Variants in GREM2 observed in about 807,000 individuals in gnomAD.
GREM2 encodes the protein gremlin 2, DAN family BMP antagonist.
Under a neutral mutation model 14.2 loss-of-function variants are expected in GREM2, and 11 were observed. The observed-to-expected ratio is 0.78, with a 90% CI of 0.49 to 1.28. GREM2 has a LOEUF of 1.28. Among genes scored for constraint, GREM2 ranks in the 50% most tolerant of loss-of-function variants. The probability of loss-of-function intolerance (pLI) is 0.00; values close to 1 mark genes in which losing one functional copy is unlikely to be tolerated. For missense variants in GREM2, 210 were observed against 218.5 expected (o/e 0.96, Z 0.24); for synonymous variants, 98 against 97.6 (o/e 1.00, Z -0.02).
At chr1:240,569,313 A>C (rs1202137741) in intron 1 of GREM2, among the ~76,000 whole-genome samples, 1 of 152,188 alleles carries the variant, frequency 6.6e-6, no homozygotes, top group Non-Finnish European at 1.5e-5. Context: ...ATTTCAGTAA[A>C]AATTCCAGCA....
rs1052704824 is a variant in GREM2 at position 240,490,490 on chromosome 1, T to A, written c.*2479A>T. 1.3e-5 allele frequency: 2 copies of A among 152,632 alleles called. No homozygotes were observed. Among genetic ancestry groups the A allele is most frequent in the African/African-American group, 4.8e-5 (2 of 41,454 alleles). The allele number at this position is 152,632 out of a possible 1,614,324, so 9.5% of individuals were successfully genotyped here. A position where few individuals can be genotyped will look rare whatever the true frequency, so the allele number is the denominator to read the frequency against. On this transcript the variant is annotated 3_prime_UTR_variant, in exon 2 of 2. Transcript: ENST00000318160. ...ACTTTTATGGCACGTCACACCGGGA[T>A]CACATATAATCCTAGATTATCTTTA...
At chr1:240,583,454 C>A (rs1312025327) in intron 1 of GREM2, among the ~76,000 whole-genome samples, 1 of 152,046 alleles carries the variant, frequency 6.6e-6, no homozygotes, top group East Asian at 1.9e-4. Flanking sequence ...ATGTCAGTGC[C>A]TTTTTTCAAG....
At chr1:240,579,836 G>A (rs967174161) in intron 1 of GREM2, among the ~76,000 whole-genome samples, 7 of 152,196 alleles carry the variant, frequency 4.6e-5, no homozygotes, top group African/African-American at 1.7e-4. Context: ...GACATGAGGA[G>A]TGGCAGAAAA....
intron 1 of GREM2, among the ~76,000 whole-genome samples, chr1:240,607,807 A>G (rs980768485): frequency 2.0e-5 from 3 of 152,334 alleles, no homozygotes; most frequent in African/African-American, 2.4e-5. Context: ...TGTAAATTCA[A>G]TCATTTAATG....
At chr1:240,573,049 C>T (rs1017075713) in intron 1 of GREM2, among the ~76,000 whole-genome samples, 4 of 152,022 alleles carry the variant, frequency 2.6e-5, no homozygotes, top group Non-Finnish European at 5.9e-5. Flanking sequence ...AGGCAGTTGG[C>T]TTCCACTCAA....
chr1:240,603,084 A>G (rs1442299507), intron 1 of GREM2, among the ~76,000 whole-genome samples: 2 of 151,978 alleles, frequency 1.3e-5, no homozygotes, highest in African/African-American at 4.8e-5. Context: ...ACTCGTCTCA[A>G]AAAAAAATAA....
chr1:240,601,657 A>C (rs1365152412), intron 1 of GREM2, among the ~76,000 whole-genome samples: 1 of 152,208 alleles, frequency 6.6e-6, no homozygotes, highest in African/African-American at 2.4e-5. Context: ...CTGTAATCCC[A>C]GCACTTTGAG....
intron 1 of GREM2, among the ~76,000 whole-genome samples, chr1:240,580,678 A>G (rs1679466890): frequency 6.6e-6 from 1 of 152,140 alleles, no homozygotes; most frequent in Non-Finnish European, 1.5e-5. Context: ...GGGCTCAAGC[A>G]ATCCTCCTGC....
intron 1 of GREM2, among the ~76,000 whole-genome samples, chr1:240,515,783 G>A (rs921748868): frequency 6.6e-6 from 1 of 152,132 alleles, no homozygotes; most frequent in African/African-American, 2.4e-5. Flanking sequence ...TTTTGTCTGA[G>A]GGAAACAATG....
chr1:240,575,000 G>C (rs1029369518), intron 1 of GREM2, among the ~76,000 whole-genome samples: 2 of 152,036 alleles, frequency 1.3e-5, no homozygotes, highest in South Asian at 4.2e-4. Context: ...CCAGGTACTC[G>C]GGAGGCTGAG....
intron 1 of GREM2, among the ~76,000 whole-genome samples, chr1:240,513,296 A>T (rs1677875477): frequency 6.6e-6 from 1 of 152,118 alleles, no homozygotes; most frequent in African/African-American, 2.4e-5. Flanking sequence ...GAGAAAGGTG[A>T]CCGGGCGCAG....
chr1:240,511,591 A>T (rs1374491143), intron 1 of GREM2, among the ~76,000 whole-genome samples: 3 of 152,176 alleles, frequency 2.0e-5, no homozygotes, highest in Non-Finnish European at 4.4e-5. Flanking sequence ...TCACTACTAA[A>T]AATACAAAGA....
At chr1:240,527,492 T>C (rs897002705) in intron 1 of GREM2, among the ~76,000 whole-genome samples, 1 of 152,162 alleles carries the variant, frequency 6.6e-6, no homozygotes, top group Non-Finnish European at 1.5e-5. Context: ...AGGAAGAAAA[T>C]AAAAACATTT....
chr1:240,597,646 A>G (rs541626888), intron 1 of GREM2, among the ~76,000 whole-genome samples: 103 of 152,300 alleles, frequency 6.8e-4, no homozygotes, highest in African/African-American at 2.3e-3. Context: ...GCTTTTTTAT[A>G]TTCCCAATGC....
At chr1:240,600,571 C>T (rs1241846163) in intron 1 of GREM2, among the ~76,000 whole-genome samples, 1 of 152,126 alleles carries the variant, frequency 6.6e-6, no homozygotes, top group Non-Finnish European at 1.5e-5. Context: ...ACAACCTCCA[C>T]CTCCCAGGCT....
At chr1:240,595,810 T>C (rs892746479) in intron 1 of GREM2, among the ~76,000 whole-genome samples, 3 of 152,144 alleles carry the variant, frequency 2.0e-5, no homozygotes, top group African/African-American at 7.2e-5. Context: ...ACTGTGTTTA[T>C]AAAACACCTA....
At chr1:240,557,982 T>A (rs1338627768) in intron 1 of GREM2, among the ~76,000 whole-genome samples, 2 of 152,066 alleles carry the variant, frequency 1.3e-5, no homozygotes, top group East Asian at 3.9e-4. Context: ...AAAGAAAAAT[T>A]GCTAACTGTG....
chr1:240,526,505 C>T (rs576853862), intron 1 of GREM2, among the ~76,000 whole-genome samples: 1 of 152,124 alleles, frequency 6.6e-6, no homozygotes, highest in Non-Finnish European at 1.5e-5. Context: ...TCCAGTAGAG[C>T]CCTGGTGCAG....
intron 1 of GREM2, among the ~76,000 whole-genome samples, chr1:240,589,973 A>G (rs892144902): frequency 6.6e-5 from 10 of 152,142 alleles, no homozygotes; most frequent in South Asian, 2.1e-4. Flanking sequence ...AAAATGCAGT[A>G]CGTGTTCAAG....
Sources: gnomAD v4.1 joint callset for allele counts (sites outside exome capture counted in the v4.1 genomes callset) on GRCh38, gnomAD v4.1.1 for gene constraint, MANE v1.5 for transcripts, NCBI Gene and HGNC (gene_info 2026-07-23, HGNC 2026-07-21) for gene names.